Variants in CLEC16A observed in about 807,000 individuals in gnomAD.
CLEC16A encodes protein CLEC16A.
In CLEC16A, 51 loss-of-function variants were observed where a neutral mutation model predicts 109.5. That is an observed-to-expected ratio of 0.47 (90% CI 0.37 to 0.59). The LOEUF (loss-of-function observed/expected upper bound fraction) is 0.59, where lower values mean the gene tolerates loss of function less well. Ranked by LOEUF, CLEC16A falls within the 20% of genes least tolerant of loss-of-function variation. The pLI is 0.00. For missense variants in CLEC16A, 1,339 were observed against 1,394.0 expected (o/e 0.96, Z 0.63); for synonymous variants, 673 against 564.2 (o/e 1.19, Z -2.73).
intron 17 of CLEC16A, among the ~76,000 whole-genome samples, chr16:11,048,821 T>A (rs902087156): frequency 2.7e-4 from 41 of 152,022 alleles, no homozygotes; most frequent in African/African-American, 9.9e-4. Context: ...TTGTCATTTG[T>A]TATTTCCTCT....
chr16:11,153,858 C>T (rs76056036), intron 22 of CLEC16A, among the ~76,000 whole-genome samples: 3,913 of 152,182 alleles, frequency 0.026, 185 homozygotes, highest in African/African-American at 0.09. Context: ...CACATTAGCT[C>T]AGCATTTGTG....
intron 6 of CLEC16A, 38 bp from the exon 7 acceptor site, chr16:10,972,900 G>T: frequency 4.6e-6 from 7 of 1,532,106 alleles, no homozygotes; most frequent in South Asian, 2.6e-5. Flanking sequence ...GTTATTTTTG[G>T]TAGCTTGACT....
At chr16:11,103,087 C>T (rs954654923) in intron 19 of CLEC16A, among the ~76,000 whole-genome samples, 4 of 152,142 alleles carry the variant, frequency 2.6e-5, no homozygotes, top group South Asian at 2.1e-4. Flanking sequence ...GAATGCTCCC[C>T]GGACCTTCTG....
intron 22 of CLEC16A, among the ~76,000 whole-genome samples, chr16:11,135,596 T>C (rs1463798599): frequency 6.6e-6 from 1 of 152,222 alleles, no homozygotes; most frequent in African/African-American, 2.4e-5. Flanking sequence ...AAAGCGACTG[T>C]ATGCCCGGGA....
intron 19 of CLEC16A, among the ~76,000 whole-genome samples, chr16:11,063,180 A>T (rs995288529): frequency 6.6e-6 from 1 of 151,430 alleles, no homozygotes; most frequent in Non-Finnish European, 1.5e-5. Context: ...TTTGCTAAGG[A>T]GGGCGACTTT....
rs1256062641 is a variant in CLEC16A, at chr16:11,060,922, G to A, written c.2016G>A (p.Met672Ile). 6.2e-7 allele frequency: 1 copy of A among 1,611,850 alleles called. No homozygotes were observed. The highest frequency in any genetic ancestry group is 1.7e-5 in the Admixed American group (1 of 59,868). Residue 672 changes from methionine (M) to isoleucine (I), a missense_variant, in exon 19 of 24, where the codon ATG becomes ATA. By Grantham distance (10) the Met-to-Ile change is conservative (BLOSUM62 1). This residue lies in a region of CLEC16A where 1,061 missense variants were observed against 1,006.8 expected (regional missense o/e 1.05). Coordinates refer to ENST00000409790, the MANE Select transcript of CLEC16A (RefSeq NM_015226.3). ...TCCAGGCCATCCGGGTGTTCTTCAT[G>A]CTGCGTTCCCTGTCACTGCAATTGC... ...KTRRAIRVFF[M>I]LRSLSLQLRG...
intron 14 of CLEC16A, 72 bp from the exon 15 acceptor site, chr16:11,042,182 G>T: frequency 8.8e-7 from 1 of 1,132,614 alleles, no homozygotes; most frequent in Non-Finnish European, 1.3e-6. Flanking sequence ...CCTCAACGTG[G>T]ATAGGCAGCA....
chr16:11,085,696 C>T (rs1206828978), intron 19 of CLEC16A, among the ~76,000 whole-genome samples: 1 of 152,238 alleles, frequency 6.6e-6, no homozygotes. Flanking sequence ...GTGTGGGACT[C>T]TGGTCCCAAG....
At position 10,971,209 on chromosome 16, in the gene CLEC16A, A is replaced by G. The variant is rs2042769648; in HGVS notation, c.577A>G (p.Ile193Val). 4.3e-6 allele frequency: 7 copies of G among 1,612,434 alleles called. No homozygotes were observed. Among genetic ancestry groups the G allele is most frequent in the African/African-American group, 1.3e-5 (1 of 74,892 alleles). ...ESMVRIAVRT[I>V]TLNVYKVSLD... Reference sequence around the variant, plus strand: ...CATGGTTAGAATTGCTGTAAGAACCATAACTTTGAATGTCTATAAAGGTAA... The same window carrying G: ...CATGGTTAGAATTGCTGTAAGAACCGTAACTTTGAATGTCTATAAAGGTAA... The change falls in exon 5 of 24, where the codon ATA becomes GTA. Residue 193 changes from isoleucine to valine, a missense_variant. Physicochemically the swap from Ile to Val is conservative, Grantham distance 29 (BLOSUM62 3). Coordinates refer to ENST00000409790, the MANE Select transcript of CLEC16A (RefSeq NM_015226.3).
intron 15 of CLEC16A, among the ~76,000 whole-genome samples, 160 bp downstream of exon 15, chr16:11,042,523 A>C (rs1192780952): frequency 6.6e-6 from 1 of 152,142 alleles, no homozygotes; most frequent in African/African-American, 2.4e-5. Flanking sequence ...ACTCCAACCT[A>C]CTTATTCAGC....
intron 22 of CLEC16A, among the ~76,000 whole-genome samples, chr16:11,155,496 G>A (rs1182452115): frequency 6.6e-6 from 1 of 152,250 alleles, no homozygotes; most frequent in Non-Finnish European, 1.5e-5. Context: ...GGTTAGCCAT[G>A]TCCCACAGGT....
At chr16:11,021,540 G>T (rs2046097812) in intron 12 of CLEC16A, among the ~76,000 whole-genome samples, 1 of 152,242 alleles carries the variant, frequency 6.6e-6, no homozygotes, top group African/African-American at 2.4e-5. Flanking sequence ...GTTCACACCT[G>T]AAATCCTAGC....
intron 12 of CLEC16A, 110 bp from the exon 13 acceptor site, chr16:11,024,710 TG>T: frequency 1.4e-6 from 1 of 739,846 alleles, no homozygotes; most frequent in Non-Finnish European, 2.3e-6. Context: ...CACACAGTTG[TG>T]GCCTAAAGAG....
intron 8 of CLEC16A, among the ~76,000 whole-genome samples, chr16:10,978,182 C>T (rs919775939): frequency 6.6e-5 from 10 of 152,176 alleles, no homozygotes; most frequent in African/African-American, 2.4e-4. Flanking sequence ...GTGGGGATGA[C>T]GGCTGGTAAC....
At chr16:11,118,487 C>A (rs2052169541) in intron 19 of CLEC16A, among the ~76,000 whole-genome samples, 1 of 152,206 alleles carries the variant, frequency 6.6e-6, no homozygotes. Context: ...AATTGTCATA[C>A]CCTGAGTTGA....
At chr16:11,049,868 C>T (rs764108572) in intron 17 of CLEC16A, among the ~76,000 whole-genome samples, 39 of 152,164 alleles carry the variant, frequency 2.6e-4, no homozygotes, top group Non-Finnish European at 3.2e-4. Context: ...GCCACCCCTG[C>T]GGGGTTAGAG....
At position 10,969,053 on chromosome 16, in the gene CLEC16A, A is replaced by T. The variant is rs551486029; in HGVS notation, c.344-108A>T. 4.0e-5 allele frequency: 35 copies of T among 871,760 alleles called. No homozygotes were observed. The African/African-American group carries it at 5.6e-4, about 14-fold the overall frequency. The allele number at this position is 871,760 out of a possible 1,614,324, so 54.0% of individuals were successfully genotyped here. ...CCAGTTAGTGTGTTTAATCCCAGCA[A>T]CCCAGAGGCTTACCTGATTCAAGTA... On this transcript the variant is annotated intron_variant, in intron 3 of 23. Transcript: ENST00000409790.
intron 10 of CLEC16A, among the ~76,000 whole-genome samples, chr16:10,999,055 TAGTCCCAA>T (rs2044503626): frequency 6.6e-6 from 1 of 152,230 alleles, no homozygotes; most frequent in Non-Finnish European, 1.5e-5. Flanking sequence ...AAATAGTCCT[TAGTCCCAA>T]TGTCCAAATG....
chr16:11,055,337 T>G (rs1399333073), intron 18 of CLEC16A, among the ~76,000 whole-genome samples: 1 of 151,946 alleles, frequency 6.6e-6, no homozygotes, highest in Non-Finnish European at 1.5e-5. Context: ...TCTGCAGAGT[T>G]GACATCTGAG....
Sources: gnomAD v4.1 joint callset for allele counts (sites outside exome capture counted in the v4.1 genomes callset) on GRCh38, gnomAD v4.1.1 for gene constraint, gnomAD v4.1.1 regional missense constraint, MANE v1.5 for transcripts, NCBI Gene and HGNC (gene_info 2026-07-23, HGNC 2026-07-21) for gene names.